The following CNTNAP5 variants were observed in gnomAD, a reference collection of about 807,000 sequenced individuals.
CNTNAP5 encodes contactin associated protein family member 5.
Under a neutral mutation model 150.2 loss-of-function variants are expected in CNTNAP5, and 72 were observed. That is an observed-to-expected ratio of 0.48 (90% CI 0.40 to 0.58). The LOEUF (loss-of-function observed/expected upper bound fraction) is 0.58, where lower values mean the gene tolerates loss of function less well. CNTNAP5 is among the 20% of genes least tolerant of loss of function. The pLI, the probability that CNTNAP5 is intolerant of heterozygous loss-of-function variation, is 0.00. For missense variants in CNTNAP5, 1,636 were observed against 1,626.2 expected (o/e 1.01, Z -0.10); for synonymous variants, 672 against 619.8 (o/e 1.08, Z -1.25).
intron 13 of CNTNAP5, among the ~76,000 whole-genome samples, chr2:124,700,518 C>G (rs1172996204): frequency 1.3e-5 from 2 of 152,086 alleles, no homozygotes; most frequent in African/African-American, 4.8e-5. Flanking sequence ...CTTGCCAACA[C>G]TTGTCATTGT....
intron 4 of CNTNAP5, among the ~76,000 whole-genome samples, chr2:124,418,885 A>G (rs1010903099): frequency 6.6e-6 from 1 of 152,034 alleles, no homozygotes; most frequent in African/African-American, 2.4e-5. Flanking sequence ...CTGTAATCCC[A>G]GCACTTTGGG....
intron 9 of CNTNAP5, among the ~76,000 whole-genome samples, chr2:124,525,124 C>T (rs938015704): frequency 3.9e-5 from 6 of 152,178 alleles, no homozygotes; most frequent in Non-Finnish European, 7.3e-5. Flanking sequence ...TAGGCATCTA[C>T]TGATTTTTTA....
intron 1 of CNTNAP5, among the ~76,000 whole-genome samples, chr2:124,047,852 C>G (rs1681580110): frequency 6.6e-6 from 1 of 152,112 alleles, no homozygotes; most frequent in South Asian, 2.1e-4. Context: ...TAGTACCTGC[C>G]TTCATGCCAC....
intron 7 of CNTNAP5, among the ~76,000 whole-genome samples, chr2:124,499,018 T>C (rs1259775236): frequency 6.6e-6 from 1 of 152,104 alleles, no homozygotes; most frequent in Non-Finnish European, 1.5e-5. Context: ...GCATCAGATC[T>C]GGGAAAAGGG....
At position 124,652,161 on chromosome 2, in the gene CNTNAP5, G is replaced by T. The variant is rs190713185; in HGVS notation, c.2077+4203G>T. Among the ~76,000 whole-genome samples, 510 of 152,324 alleles carry T rather than the reference G, an allele frequency of 3.3e-3. 5 individuals are homozygous for T. Among genetic ancestry groups the T allele is most frequent in the Non-Finnish European group, 5.5e-3 (374 of 68,022 alleles). On this transcript the variant is annotated intron_variant, in intron 13 of 23. Transcript: ENST00000682447. ...GCATCCTCCATCTCTGTAGCTGAAGGTTTATACTAGAAACTCTCCAATGTC... is the reference window on the plus strand; with the variant it reads ...GCATCCTCCATCTCTGTAGCTGAAGTTTTATACTAGAAACTCTCCAATGTC...
intron 3 of CNTNAP5, among the ~76,000 whole-genome samples, chr2:124,267,803 G>A (rs1256453833): frequency 6.6e-6 from 1 of 152,138 alleles, no homozygotes; most frequent in Non-Finnish European, 1.5e-5. Flanking sequence ...AAATGCTCCT[G>A]GCAAGCAAAC....
chr2:124,197,534 T>C (rs1685616898), intron 1 of CNTNAP5, among the ~76,000 whole-genome samples: 1 of 152,236 alleles, frequency 6.6e-6, no homozygotes, highest in Non-Finnish European at 1.5e-5. Flanking sequence ...AGATCCATCA[T>C]GAATACTTTC....
intron 10 of CNTNAP5, among the ~76,000 whole-genome samples, chr2:124,535,884 A>G (rs1312063963): frequency 6.6e-6 from 1 of 152,252 alleles, no homozygotes; most frequent in Non-Finnish European, 1.5e-5. Flanking sequence ...TACAGTAAAC[A>G]CTGAAAGTTG....
At chr2:124,449,147 C>A (rs1227017075) in intron 6 of CNTNAP5, among the ~76,000 whole-genome samples, 2 of 152,104 alleles carry the variant, frequency 1.3e-5, no homozygotes, top group African/African-American at 2.4e-5. Flanking sequence ...TAAAATATGC[C>A]ATTCATTAAC....
At chr2:124,202,197 C>A (rs534501677) in intron 1 of CNTNAP5, among the ~76,000 whole-genome samples, 1 of 152,084 alleles carries the variant, frequency 6.6e-6, no homozygotes, top group South Asian at 2.1e-4. Context: ...AAAGAATGTA[C>A]TCTATCATTT....
At chr2:124,789,082 C>T (rs1681662410) in intron 17 of CNTNAP5, among the ~76,000 whole-genome samples, 1 of 152,214 alleles carries the variant, frequency 6.6e-6, no homozygotes, top group African/African-American at 2.4e-5. Flanking sequence ...CTATCTGGCT[C>T]TGGTCTATCC....
chr2:124,035,970 T>G lies in CNTNAP5; in HGVS notation c.82+10238T>G, dbSNP rs376743106. Among the ~76,000 whole-genome samples the G allele has an allele frequency of 6.1e-4, 77 of 126,524 alleles. 1 individual carries two copies. The East Asian group carries it at 0.019, about 30-fold the overall frequency. The allele number at this position is 126,524 out of a possible 152,430, so 83.0% of individuals were successfully genotyped here. A position where few individuals can be genotyped will look rare whatever the true frequency, so the allele number is the denominator to read the frequency against. On this transcript the variant is annotated intron_variant, in intron 1 of 23. Coordinates refer to ENST00000682447, the MANE Select transcript of CNTNAP5 (RefSeq NM_001367498.1). Reference sequence around the variant, plus strand: ...TCTCGCTCTGTCGCCCAGGCCGGACTGCGGACTGCAGTGGCGCAATCTCGG... The same window carrying G: ...TCTCGCTCTGTCGCCCAGGCCGGACGGCGGACTGCAGTGGCGCAATCTCGG...
At chr2:124,681,391 T>G (rs1023387760) in intron 13 of CNTNAP5, among the ~76,000 whole-genome samples, 1 of 152,020 alleles carries the variant, frequency 6.6e-6, no homozygotes, top group Non-Finnish European at 1.5e-5. Context: ...AACTCTTTTA[T>G]CAGATTTCTC....
chr2:124,478,432 T>A (rs979143263), intron 7 of CNTNAP5, among the ~76,000 whole-genome samples: 17 of 152,292 alleles, frequency 1.1e-4, no homozygotes, highest in Non-Finnish European at 7.4e-5. Context: ...ACCTTCACAA[T>A]TTAGAAGAAA....
At chr2:124,791,023 A>T (rs1681715145) in intron 18 of CNTNAP5, among the ~76,000 whole-genome samples, 1 of 152,282 alleles carries the variant, frequency 6.6e-6, no homozygotes, top group African/African-American at 2.4e-5. Flanking sequence ...CATTTAAATT[A>T]TTAAAATAAA....
At chr2:124,263,143 A>G (rs970141348) in intron 3 of CNTNAP5, among the ~76,000 whole-genome samples, 2 of 152,326 alleles carry the variant, frequency 1.3e-5, no homozygotes, top group Non-Finnish European at 1.5e-5. Context: ...AGCATGATTT[A>G]TAATCCTTTG....
chr2:124,512,157 T>A (rs954441200), intron 8 of CNTNAP5, among the ~76,000 whole-genome samples: 1 of 151,764 alleles, frequency 6.6e-6, no homozygotes, highest in Non-Finnish European at 1.5e-5. Flanking sequence ...GGTTGGTATA[T>A]GTGAACATCT....
intron 1 of CNTNAP5, among the ~76,000 whole-genome samples, chr2:124,072,561 G>T (rs973614299): frequency 6.6e-6 from 1 of 151,656 alleles, no homozygotes; most frequent in Admixed American, 6.6e-5. Context: ...ACAAAAATCA[G>T]TAGCATTTCT....
At chr2:124,538,828 G>T (rs1465342966) in intron 10 of CNTNAP5, among the ~76,000 whole-genome samples, 2 of 152,126 alleles carry the variant, frequency 1.3e-5, no homozygotes, top group Non-Finnish European at 2.9e-5. Context: ...TTAATGAAAA[G>T]AATAAAGAGA....
Sources: gnomAD v4.1 joint callset for allele counts (sites outside exome capture counted in the v4.1 genomes callset) on GRCh38, gnomAD v4.1.1 for gene constraint, MANE v1.5 for transcripts, NCBI Gene and HGNC (gene_info 2026-07-23, HGNC 2026-07-21) for gene names.